Variants in SPG11 observed in about 807,000 individuals in gnomAD.
SPG11 encodes the protein SPG11 vesicle trafficking associated, spatacsin.
A neutral mutation model predicts 274.0 loss-of-function variants in SPG11; 222 were observed. The observed-to-expected ratio is 0.81, with a 90% CI of 0.73 to 0.91. SPG11 has a LOEUF of 0.91. SPG11 is among the 40% of genes least tolerant of loss of function. SPG11 has a pLI of 0.00. For synonymous variants in SPG11, 1,144 were observed against 1,039.7 expected, an observed-to-expected ratio of 1.10 and a Z score of -1.93; for missense variants, 3,114 against 2,872.7, an observed-to-expected ratio of 1.08 and a Z score of -1.92.
chr15:44,581,597 TAAAA>T (rs201318366), intron 30 of SPG11, among the ~76,000 whole-genome samples: 1 of 134,262 alleles, frequency 7.4e-6, no homozygotes, highest in African/African-American at 2.7e-5. Flanking sequence ...AACTGATTAT[TAAAA>T]AAAAAAAAAA....
chr15:44,581,079 CA>C, intron 30 of SPG11, among the ~76,000 whole-genome samples: 1 of 152,150 alleles, frequency 6.6e-6, no homozygotes, highest in Middle Eastern at 3.4e-3. Flanking sequence ...ACATCGAGAG[CA>C]ACCAGAGAAA....
intron 32 of SPG11, among the ~76,000 whole-genome samples, chr15:44,573,022 T>C (rs2082456439): frequency 6.9e-6 from 1 of 145,346 alleles, no homozygotes; most frequent in Non-Finnish European, 1.5e-5. Flanking sequence ...AGTCTTGCTC[T>C]GTCATCCAGG....
chr15:44,610,857 G>A lies in SPG11; in HGVS notation c.3274C>T (p.Pro1092Ser), dbSNP rs762830758. ...LLALATTMYS[P>S]GGVSQVVQNE... ...ATCCATACCTGACTGACACCCCCAG[G>A]AGAATACATTGTAGTAGCAAGGGCC... is the stretch of plus-strand genomic sequence containing the variant. The change falls in exon 18 of 40, where the codon CCT becomes TCT. Residue 1092 changes from proline to serine, a missense_variant. Pro to Ser is a moderately conservative substitution (Grantham distance 74). Coordinates refer to ENST00000261866, the MANE Select transcript of SPG11 (RefSeq NM_025137.4). 1 of 1,613,894 alleles carries A rather than the reference G, an allele frequency of 6.2e-7. No individual in the cohort carries two copies. The highest frequency in any genetic ancestry group is 1.7e-5 in the Admixed American group (1 of 59,980).
At chr15:44,566,150 C>T in intron 37 of SPG11, 67 bp downstream of exon 37, 2 of 1,602,210 alleles carry the variant, frequency 1.2e-6, no homozygotes, top group Non-Finnish European at 8.5e-7. Context: ...AGCCCAAGGA[C>T]AAAAGAAAAT....
At chr15:44,588,927 G>T (rs2140956266) in intron 28 of SPG11, among the ~76,000 whole-genome samples, 1 of 152,332 alleles carries the variant, frequency 6.6e-6, no homozygotes, top group East Asian at 1.9e-4. Flanking sequence ...CTCTGTCAGT[G>T]TATGTCTTGA....
intron 8 of SPG11, among the ~76,000 whole-genome samples, chr15:44,631,559 A>T (rs560974342): frequency 2.0e-5 from 3 of 152,320 alleles, no homozygotes; most frequent in African/African-American, 7.2e-5. Context: ...GAAGCAAAGA[A>T]AAAAGAGCAT....
intron 35 of SPG11, among the ~76,000 whole-genome samples, chr15:44,568,470 A>G (rs1352205674): frequency 6.6e-6 from 1 of 152,142 alleles, no homozygotes; most frequent in African/African-American, 2.4e-5. Context: ...CCAGAAGCCA[A>G]AGGTGAAATG....
chr15:44,659,842 C>A (rs1257863786), intron 2 of SPG11, among the ~76,000 whole-genome samples: 1 of 152,288 alleles, frequency 6.6e-6, no homozygotes, highest in African/African-American at 2.4e-5. Flanking sequence ...GGGCAGATCA[C>A]TTGAGGTCAG....
At chr15:44,589,447 A>C (rs201749252) in intron 27 of SPG11, 33 bp from the exon 28 acceptor site, 78 of 1,613,536 alleles carry the variant, frequency 4.8e-5, no homozygotes, top group Admixed American at 6.7e-5. Flanking sequence ...TAGGGAAAGC[A>C]GTTTCATGAG....
intron 20 of SPG11, among the ~76,000 whole-genome samples, chr15:44,601,748 G>A (rs186403381): frequency 7.2e-5 from 11 of 151,942 alleles, no homozygotes; most frequent in Non-Finnish European, 1.5e-4. Flanking sequence ...CAGTAGAGAC[G>A]GGGTTTCGCC....
At chr15:44,661,084 T>A (rs2085091719) in intron 1 of SPG11, among the ~76,000 whole-genome samples, 1 of 152,200 alleles carries the variant, frequency 6.6e-6, no homozygotes, top group Non-Finnish European at 1.5e-5. Flanking sequence ...AAACTCTGCC[T>A]AATAGAACCT....
intron 7 of SPG11, among the ~76,000 whole-genome samples, chr15:44,644,412 A>C (rs1182084261): frequency 1.3e-5 from 2 of 152,180 alleles, no homozygotes; most frequent in South Asian, 2.1e-4. Flanking sequence ...TAGGCATTGA[A>C]GAAACATATC....
chr15:44,605,127 C>T (rs564705756), intron 20 of SPG11, among the ~76,000 whole-genome samples: 1 of 152,126 alleles, frequency 6.6e-6, no homozygotes, highest in African/African-American at 2.4e-5. Flanking sequence ...AAGATGCCAC[C>T]TAAGTGATGG....
At chr15:44,657,710 G>A (rs1023722430) in intron 3 of SPG11, among the ~76,000 whole-genome samples, 1 of 152,134 alleles carries the variant, frequency 6.6e-6, no homozygotes, top group African/African-American at 2.4e-5. Flanking sequence ...TTTACTTAGA[G>A]CACATCTTAA....
intron 36 of SPG11, among the ~76,000 whole-genome samples, chr15:44,567,130 TCAC>T: frequency 6.6e-6 from 1 of 151,910 alleles, no homozygotes; most frequent in East Asian, 2.0e-4. Flanking sequence ...CGTGGGCAGT[TCAC>T]CAGGTCAGGA....
rs148934301 is a variant in SPG11 at position 44,657,261 on chromosome 15, G to A, written c.703C>T (p.His235Tyr). 5 of 1,614,082 alleles carry A rather than the reference G, an allele frequency of 3.1e-6. No homozygotes were observed. In the African/African-American group the frequency reaches 4.0e-5, roughly 13 times the overall value. The change falls in exon 4 of 40, where the codon CAT becomes TAT. Residue 235 changes from histidine to tyrosine, a missense_variant. Physicochemically the swap from His to Tyr is moderately conservative, Grantham distance 83. Transcript: ENST00000261866. ...FDVVDGTYVA[H>Y]VDLALHKEDM... is the part of the protein sequence containing the mutation. The stretch of plus-strand genomic sequence containing the variant: ...TCTTTGTGAAGTGCTAAATCCACAT[G>A]AGCTACATATGTACCATCCACAACA...
Position 44,651,794 on chromosome 15 carries a change from C to T in SPG11, c.1153G>A (p.Ala385Thr), listed in dbSNP as rs759975642. The part of the protein sequence containing the change: ...GNHSTSVQSW[A>T]FIPQDIMHGQ... ...TGCATTATGTCCTGTGGAATGAAGGCCCAGCTCTGCACACTTGTACTGTGG... is the reference window on the plus strand; with the variant it reads ...TGCATTATGTCCTGTGGAATGAAGGTCCAGCTCTGCACACTTGTACTGTGG... The change falls in exon 6 of 40, where the codon GCC (alanine) becomes ACC (threonine). Residue 385 changes from alanine (A) to threonine (T), a missense_variant. Coordinates refer to ENST00000261866, the MANE Select transcript of SPG11 (RefSeq NM_025137.4). 1.2e-6 allele frequency: 2 copies of T among 1,614,122 alleles called. No individual in the cohort carries two copies. The highest frequency in any genetic ancestry group is 1.3e-5 in the African/African-American group (1 of 75,020).
At position 44,601,576 on chromosome 15, in the gene SPG11, T is replaced by A. The variant is rs945742440; in HGVS notation, c.3521-944A>T. Among the ~76,000 whole-genome samples, 110 of 149,938 alleles carry A rather than the reference T, an allele frequency of 7.3e-4. 1 individual carries two copies. The highest frequency in any genetic ancestry group is 2.2e-3 in the African/African-American group (90 of 40,602). On this transcript the variant is annotated intron_variant, in intron 20 of 39. Coordinates refer to ENST00000261866, the MANE Select transcript of SPG11 (RefSeq NM_025137.4). ...CCTCTTCTTTTTTTTTTTTTTTTTT[T>A]AAATAGAATCTTGCTCGGCTGTCTA...
Position 44,598,806 on chromosome 15 carries a change from AAC to A in SPG11, c.3715_3716del (p.Val1239TyrfsTer25). Reference protein sequence around the residue: ...LIQQVGNEAYVIGLSSFHIPS... With the variant: ...LIQQVGNEAYXIGLSSFHIPS... ...GTATGTGGAAGGAGGAGAGCCCTAT[AAC>A]ATAGGCTTCATTGCCTACTTGCTGG... On this transcript the variant is annotated frameshift_variant, in exon 22 of 40. Coordinates refer to ENST00000261866, the MANE Select transcript of SPG11 (RefSeq NM_025137.4). LOFTEE classifies it high-confidence loss of function. 1 of 1,614,216 alleles carries A rather than the reference AAC, an allele frequency of 6.2e-7. No homozygotes were observed. Among genetic ancestry groups the A allele is most frequent in the Non-Finnish European group, 8.5e-7 (1 of 1,180,024 alleles).
Sources: gnomAD v4.1 joint callset for allele counts (sites outside exome capture counted in the v4.1 genomes callset) on GRCh38, gnomAD v4.1.1 for gene constraint, MANE v1.5 for transcripts, NCBI Gene and HGNC (gene_info 2026-07-23, HGNC 2026-07-21) for gene names.